LARS1: variants seen among roughly 807,000 people sequenced by gnomAD.
LARS1 encodes the protein leucine--tRNA ligase, cytoplasmic.
In LARS1, 100 loss-of-function variants were observed where a neutral mutation model predicts 162.8. That is an observed-to-expected ratio of 0.61 (90% CI 0.52 to 0.73). LARS1 has a LOEUF of 0.73. Among genes scored for constraint, LARS1 ranks in the 30% least tolerant of loss-of-function variants. LARS1 has a pLI of 0.00. For synonymous variants in LARS1, 457 were observed against 462.8 expected, an observed-to-expected ratio of 0.99 and a Z score of 0.16; for missense variants, 1,258 against 1,408.9, an observed-to-expected ratio of 0.89 and a Z score of 1.71.
chr5:146,164,535 A>C, intron 5 of LARS1, 64 bp from the exon 6 acceptor site: 1 of 1,470,246 alleles, frequency 6.8e-7, no homozygotes. Context: ...AAAATGACCC[A>C]AGATATTAAT....
chr5:146,152,164 G>C (rs1561817761), intron 13 of LARS1, among the ~76,000 whole-genome samples, 162 bp from the exon 14 acceptor site: 1 of 152,098 alleles, frequency 6.6e-6, no homozygotes, highest in Non-Finnish European at 1.5e-5. Context: ...CTAACTTCCA[G>C]ATGTAAATTT....
intron 10 of LARS1, among the ~76,000 whole-genome samples, chr5:146,157,144 T>C (rs185387052): frequency 2.0e-5 from 3 of 152,124 alleles, no homozygotes; most frequent in Admixed American, 6.5e-5. Context: ...GTGGTTACCT[T>C]TGGAGGAGAG....
chr5:146,165,958 G>C (rs1753986319), intron 5 of LARS1, among the ~76,000 whole-genome samples: 1 of 145,940 alleles, frequency 6.9e-6, no homozygotes, highest in Admixed American at 7.2e-5. Flanking sequence ...GGAGCCAGGG[G>C]TATCAATATG....
intron 8 of LARS1, 77 bp from the exon 9 acceptor site, chr5:146,157,872 T>A: frequency 7.2e-7 from 1 of 1,386,694 alleles, no homozygotes; most frequent in Non-Finnish European, 1.0e-6. Context: ...GTGAGAGATC[T>A]GATTCAAGTC....
At chr5:146,164,509 T>A in intron 5 of LARS1, 38 bp from the exon 6 acceptor site, 1 of 1,590,424 alleles carries the variant, frequency 6.3e-7, no homozygotes, top group Non-Finnish European at 8.6e-7. Flanking sequence ...GATCAAAGAA[T>A]AACCAACACT....
rs79151628 is a variant in LARS1, at chr5:146,180,087, A to G, written c.6+2401T>C. Among the ~76,000 whole-genome samples, 1,195 of 152,346 alleles carry G rather than the reference A, an allele frequency of 7.8e-3. 14 individuals carry two copies. The highest frequency in any genetic ancestry group is 0.027 in the African/African-American group (1,136 of 41,568). The stretch of plus-strand genomic sequence containing the variant: ...CACAGACACAGAAGTTATGTAACAA[A>G]TATCTTTTACCTAAAAATTACCATG... On this transcript the variant is annotated intron_variant, in intron 1 of 31. Coordinates refer to ENST00000394434, the MANE Select transcript of LARS1 (RefSeq NM_020117.11).
At position 146,174,144 on chromosome 5, in the gene LARS1, TAAA is replaced by T. The variant is rs66479730; in HGVS notation, c.126-1373_126-1371del. On this transcript the variant is annotated intron_variant, in intron 2 of 31. Coordinates refer to ENST00000394434, the MANE Select transcript of LARS1 (RefSeq NM_020117.11). ...ATATTACAGCAATTTCTTTTTCTCT[TAAA>T]AAAAAAAAAAAAAAAAAAAGGCTGG... Among the ~76,000 whole-genome samples, 261 of 89,134 alleles carry T rather than the reference TAAA, an allele frequency of 2.9e-3. 3 individuals carry two copies. Among genetic ancestry groups the T allele is most frequent in the African/African-American group, 0.01 (224 of 21,942 alleles). The allele number at this position is 89,134 out of a possible 152,430, so 58.5% of individuals were successfully genotyped here.
At chr5:146,172,131 C>G in intron 3 of LARS1, 141 bp from the exon 4 acceptor site, 1 of 702,618 alleles carries the variant, frequency 1.4e-6, no homozygotes, top group Non-Finnish European at 2.5e-6. Context: ...TCCCAAAACT[C>G]ACCAACCTAG....
Position 146,122,553 on chromosome 5 carries a change from G to C in LARS1, c.3131C>G (p.Ala1044Gly). 2 of 1,609,736 alleles carry C rather than the reference G, an allele frequency of 1.2e-6. No homozygotes were observed. The highest frequency in any genetic ancestry group is 1.7e-6 in the Non-Finnish European group (2 of 1,177,092). ...EHIEVKFASE[A>G]EDKIREDCCP... ...GCAGTCTTCCCTGATTTTATCTTCTGCTTCGGAGGCAAACTTGACTTCTAT... is the reference window on the plus strand; with the variant it reads ...GCAGTCTTCCCTGATTTTATCTTCTCCTTCGGAGGCAAACTTGACTTCTAT... The change falls in exon 30 of 32, where the codon GCA (alanine) becomes GGA (glycine). Residue 1044 changes from alanine to glycine, a missense_variant. By Grantham distance (60) the Ala-to-Gly change is moderately conservative (BLOSUM62 0). Coordinates refer to ENST00000394434, the MANE Select transcript of LARS1 (RefSeq NM_020117.11).
chr5:146,176,766 T>C (rs1754598178), intron 2 of LARS1, among the ~76,000 whole-genome samples: 1 of 152,172 alleles, frequency 6.6e-6, no homozygotes, highest in African/African-American at 2.4e-5. Flanking sequence ...TATTTTAGTA[T>C]CAAGGCAATG....
At chr5:146,142,365 T>C (rs1446483171) in intron 20 of LARS1, among the ~76,000 whole-genome samples, 1 of 152,204 alleles carries the variant, frequency 6.6e-6, no homozygotes. Context: ...CAAGAAGGCA[T>C]AAGAAATTGT....
chr5:146,118,264 G>A (rs998959379), intron 31 of LARS1, among the ~76,000 whole-genome samples: 10 of 152,172 alleles, frequency 6.6e-5, no homozygotes, highest in African/African-American at 2.4e-4. Context: ...GAAAGGCACA[G>A]AATAACAAAT....
chr5:146,163,980 C>T (rs1027659033), intron 6 of LARS1, among the ~76,000 whole-genome samples: 22 of 152,180 alleles, frequency 1.4e-4, no homozygotes, highest in Non-Finnish European at 2.9e-5. Flanking sequence ...GCAGTCAGAA[C>T]ACAAACATTT....
intron 5 of LARS1, among the ~76,000 whole-genome samples, chr5:146,167,604 C>A (rs34672485): frequency 0.22 from 33,571 of 151,670 alleles, 4,687 homozygotes; most frequent in Admixed American, 0.33. Flanking sequence ...CCATGTTTGC[C>A]AGGATGGTCT....
At chr5:146,156,146 T>C (rs903290445) in intron 10 of LARS1, among the ~76,000 whole-genome samples, 6 of 152,170 alleles carry the variant, frequency 3.9e-5, no homozygotes, top group African/African-American at 1.2e-4. Context: ...ATACATGAAA[T>C]ATTACCAGGA....
chr5:146,151,967 A>C lies in LARS1; in HGVS notation c.1320T>G (p.Leu440=), dbSNP rs779874474. ...PVIEIPGFGN[L]SAVTICDELK... ...ACTCATCACAAATGGTTACAGCAGA[A>C]AGATTTCCAAAACCTGGGATTTCAA... Residue 440 remains leucine, a synonymous_variant, in exon 14 of 32, where the codon CTT becomes CTG. Coordinates refer to ENST00000394434, the MANE Select transcript of LARS1 (RefSeq NM_020117.11). 1 of 1,614,144 alleles carries C rather than the reference A, an allele frequency of 6.2e-7. No homozygotes were observed. Among genetic ancestry groups the C allele is most frequent in the East Asian group, 2.2e-5 (1 of 44,886 alleles).
At chr5:146,150,053 C>T (rs960366933) in intron 14 of LARS1, among the ~76,000 whole-genome samples, 1 of 152,168 alleles carries the variant, frequency 6.6e-6, no homozygotes, top group African/African-American at 2.4e-5. Flanking sequence ...GAACTAAGTA[C>T]ATTCGGCTTC....
intron 31 of LARS1, 42 bp downstream of exon 31, chr5:146,120,329 C>G: frequency 6.2e-7 from 1 of 1,608,246 alleles, no homozygotes; most frequent in Non-Finnish European, 8.5e-7. Flanking sequence ...CTCACCAAAT[C>G]TACAAGCTAC....
chr5:146,124,133 G>A, intron 28 of LARS1, 47 bp from the exon 29 acceptor site: 1 of 1,104,072 alleles, frequency 9.1e-7, no homozygotes, highest in Non-Finnish European at 1.4e-6. Context: ...GTAAGAATAT[G>A]TTGGAAAACA....
Sources: gnomAD v4.1 joint callset for allele counts (sites outside exome capture counted in the v4.1 genomes callset) on GRCh38, gnomAD v4.1.1 for gene constraint, MANE v1.5 for transcripts, NCBI Gene and HGNC (gene_info 2026-07-23, HGNC 2026-07-21) for gene names.